The following SLC19A3 variants were observed in gnomAD, a reference collection of about 807,000 sequenced individuals.
SLC19A3 encodes the protein thiamine transporter 2.
Under a neutral mutation model 40.2 loss-of-function variants are expected in SLC19A3, and 31 were observed. That is an observed-to-expected ratio of 0.77 (90% confidence interval 0.58 to 1.04). The LOEUF is 1.04. SLC19A3 is among the 50% of genes least tolerant of loss of function. SLC19A3 has a pLI of 0.00. For synonymous variants in SLC19A3, 212 were observed against 227.5 expected, an observed-to-expected ratio of 0.93 and a Z score of 0.61; for missense variants, 592 against 596.7, an observed-to-expected ratio of 0.99 and a Z score of 0.08.
At chr2:227,688,370 T>C (rs1422715690) in intron 4 of SLC19A3, 63 bp from the exon 5 acceptor site, 3 of 1,522,380 alleles carry the variant, frequency 2.0e-6, no homozygotes, top group Non-Finnish European at 2.7e-6. Context: ...CTTAAAAAGA[T>C]AGAACATATT....
At chr2:227,714,906 G>A (rs1696280789) in intron 1 of SLC19A3, among the ~76,000 whole-genome samples, 2 of 141,010 alleles carry the variant, frequency 1.4e-5, no homozygotes, top group Admixed American at 7.9e-5. Context: ...CGCAACCACT[G>A]CCTCCTGGGT....
At position 227,686,397 on chromosome 2, in the gene SLC19A3, T is replaced by C. The variant is rs111467219; in HGVS notation, c.*1000A>G. ...GCAATGGTGCAATCATAGCTCACTG[T>C]AGCCTCTGACTCCTGTGCTCAACCC... On this transcript the variant is annotated 3_prime_UTR_variant, in exon 6 of 6. Transcript: ENST00000644224. The C allele has an allele frequency of 0.061, 11,667 of 190,408 alleles. 1,192 individuals are homozygous for C. The highest frequency in any genetic ancestry group is 0.24 in the African/African-American group (9,914 of 41,902). 11.8% of individuals were successfully genotyped at this position (190,408 alleles called of 1,614,324 possible). A position where few individuals can be genotyped will look rare whatever the true frequency, so the allele number is the denominator to read the frequency against.
At chr2:227,701,153 A>G (rs777838307) in intron 2 of SLC19A3, 57 of 1,220,534 alleles carry the variant, frequency 4.7e-5, no homozygotes, top group Non-Finnish European at 5.8e-5. Flanking sequence ...ATCTGATGCT[A>G]CAGAAGAAGC....
Position 227,699,117 on chromosome 2 carries a change from GA to G in SLC19A3, c.597del (p.His200MetfsTer8), listed in dbSNP as rs773140674. ...FLPMPKKSMF[F>X]HAKPSREIKK... ...TTTATTTCTCTGCTGGGTTTTGCAT[GA>G]AAAAACATGCTTTTCTTGGGCATTG... On this transcript the variant is annotated frameshift_variant, in exon 3 of 6. Coordinates refer to ENST00000644224, the MANE Select transcript of SLC19A3 (RefSeq NM_025243.4). LOFTEE classifies it high-confidence loss of function. The G allele has an allele frequency of 6.2e-7, 1 of 1,614,144 alleles. No homozygotes were observed. The highest frequency in any genetic ancestry group is 1.3e-5 in the African/African-American group (1 of 75,022).
At chr2:227,709,526 G>A (rs563337839) in intron 1 of SLC19A3, among the ~76,000 whole-genome samples, 1 of 152,208 alleles carries the variant, frequency 6.6e-6, no homozygotes, top group Non-Finnish European at 1.5e-5. Context: ...GGCATGCACT[G>A]GTGGGTTTCC....
In SLC19A3 at chr2:227,717,937, T is replaced by C. The variant is rs1215922866; in HGVS notation, c.-3+6A>G. The C allele has an allele frequency of 1.0e-6, 1 of 985,318 alleles. No homozygotes were observed. 61.0% of individuals were successfully genotyped at this position (985,318 alleles called of 1,614,324 possible). ...TCAATTAATTCGCCCCCCGAGATAT[T>C]CTTACCTACAGAAGGGAGTGTCTGT... is the stretch of plus-strand genomic sequence containing the variant. On this transcript the variant is annotated splice_donor_region_variant and intron_variant, in intron 1 of 5. Coordinates refer to ENST00000644224, the MANE Select transcript of SLC19A3 (RefSeq NM_025243.4).
chr2:227,689,645 C>G (rs551816699), intron 4 of SLC19A3, among the ~76,000 whole-genome samples: 32 of 152,150 alleles, frequency 2.1e-4, no homozygotes, highest in African/African-American at 7.0e-4. Context: ...CGTTCATGCG[C>G]AATAAGAAAA....
chr2:227,704,222 T>C (rs755212757), intron 1 of SLC19A3, among the ~76,000 whole-genome samples: 3 of 152,282 alleles, frequency 2.0e-5, no homozygotes, highest in Non-Finnish European at 1.5e-5. Flanking sequence ...GACAATCTTA[T>C]AGAAGGAAGG....
rs770099619 is a variant in SLC19A3 at position 227,687,505 on chromosome 2, G to A, written c.1383C>T (p.Thr461=). 2.6e-5 allele frequency: 42 copies of A among 1,613,838 alleles called. No individual in the cohort carries two copies. The highest frequency in any genetic ancestry group is 3.3e-5 in the Non-Finnish European group (39 of 1,179,968). The change falls in exon 6 of 6, where the codon ACC becomes ACT. Residue 461 remains threonine (T), a synonymous_variant. Transcript: ENST00000644224. ...CATCCTTCTGGGATTTGGTTGAGTA[G>A]GTAATATACATGCTTCTCATTAGGA... is the stretch of plus-strand genomic sequence containing the variant. The part of the protein sequence containing the change: ...GIFLMRSMYI[T]YSTKSQKDVQ...
chr2:227,707,031 C>T (rs1205054647), intron 1 of SLC19A3, among the ~76,000 whole-genome samples: 1 of 152,160 alleles, frequency 6.6e-6, no homozygotes, highest in Non-Finnish European at 1.5e-5. Flanking sequence ...GCCTTTGCTC[C>T]ACTCCAGAGC....
Position 227,704,038 on chromosome 2 carries a change from C to T in SLC19A3, c.-2-1718G>A, listed in dbSNP as rs754132827. Among the ~76,000 whole-genome samples, 15 of 152,280 alleles carry T rather than the reference C, an allele frequency of 9.9e-5. No individual in the cohort carries two copies. In the East Asian group the frequency reaches 2.3e-3, roughly 23 times the overall value. Reference sequence around the variant, plus strand: ...AAAGTACAAGCCCAGGAGGGCAGGGCGTATTGCCTGGTCCACCACATTGTC... The same window carrying T: ...AAAGTACAAGCCCAGGAGGGCAGGGTGTATTGCCTGGTCCACCACATTGTC... On this transcript the variant is annotated intron_variant, in intron 1 of 5. Coordinates refer to ENST00000644224, the MANE Select transcript of SLC19A3 (RefSeq NM_025243.4).
rs1553571168 is a variant in SLC19A3, at chr2:227,698,727, T to C, written c.979+9A>G. 10 of 1,610,482 alleles carry C rather than the reference T, an allele frequency of 6.2e-6. No homozygotes were observed. Among genetic ancestry groups the C allele is most frequent in the Non-Finnish European group, 8.5e-6 (10 of 1,177,734 alleles). On this transcript the variant is annotated intron_variant, in intron 3 of 5. Transcript: ENST00000644224. ...GCCAACAAAGGAAGATTAAGTGACA[T>C]TTGCTTACCTCCAAAGGTTGCAATA...
intron 1 of SLC19A3, among the ~76,000 whole-genome samples, chr2:227,711,930 A>T (rs1243868691): frequency 2.0e-5 from 3 of 151,636 alleles, no homozygotes; most frequent in Non-Finnish European, 4.4e-5. Context: ...CAAGCCTGTA[A>T]TCCCAGCTAC....
intron 1 of SLC19A3, among the ~76,000 whole-genome samples, chr2:227,717,365 C>T (rs1696369763): frequency 6.6e-6 from 1 of 152,124 alleles, no homozygotes; most frequent in Admixed American, 6.5e-5. Flanking sequence ...TCCGAAAGTC[C>T]CAACCTTTTG....
chr2:227,709,920 T>A (rs1056847840), intron 1 of SLC19A3, among the ~76,000 whole-genome samples: 1 of 151,954 alleles, frequency 6.6e-6, no homozygotes, highest in Non-Finnish European at 1.5e-5. Context: ...GGAAGACAAT[T>A]TTTCCATGAA....
chr2:227,695,730 T>C (rs1389553894), intron 4 of SLC19A3, 159 bp downstream of exon 4: 1 of 705,834 alleles, frequency 1.4e-6, no homozygotes, highest in African/African-American at 1.8e-5. Context: ...AGCAAATAGT[T>C]AAATGAAAAG....
chr2:227,697,153 G>A (rs1165403676), intron 3 of SLC19A3, among the ~76,000 whole-genome samples: 2 of 150,908 alleles, frequency 1.3e-5, no homozygotes, highest in African/African-American at 2.5e-5. Context: ...TGACCACAGA[G>A]GAAAAAAAAA....
chr2:227,687,484 CT>C lies in SLC19A3; in HGVS notation c.1403del (p.Lys468ArgfsTer45). On this transcript the variant is annotated frameshift_variant, in exon 6 of 6. Transcript: ENST00000644224. LOFTEE classifies it low-confidence loss of function (END_TRUNC). ...CACTTGGAGCAGGGCTCTGTACATCCTTCTGGGATTTGGTTGAGTAGGTAAT... is the reference window on the plus strand; with the variant it reads ...CACTTGGAGCAGGGCTCTGTACATCCTCTGGGATTTGGTTGAGTAGGTAAT... ...MYITYSTKSQ[K>X]DVQSPAPSEN... is the part of the protein sequence containing the mutation. The C allele has an allele frequency of 1.2e-6, 2 of 1,614,130 alleles. No homozygotes were observed. The highest frequency in any genetic ancestry group is 1.7e-6 in the Non-Finnish European group (2 of 1,180,004).
chr2:227,694,155 C>T (rs1313740309), intron 4 of SLC19A3, among the ~76,000 whole-genome samples: 1 of 152,160 alleles, frequency 6.6e-6, no homozygotes, highest in Non-Finnish European at 1.5e-5. Context: ...TACAGGTTCT[C>T]ACCACCATGC....
Sources: allele counts gnomAD v4.1 joint callset (sites outside exome capture counted in the v4.1 genomes callset), GRCh38; gene constraint gnomAD v4.1.1; transcripts MANE v1.5; gene names NCBI Gene and HGNC (gene_info 2026-07-23, HGNC 2026-07-21).